The following SLC6A2 variants were observed in gnomAD, a reference collection of about 807,000 sequenced individuals.
SLC6A2 encodes sodium-dependent noradrenaline transporter.
In SLC6A2, 26 loss-of-function variants were observed where a neutral mutation model predicts 71.7. The observed-to-expected ratio is 0.36, with a 90% CI of 0.27 to 0.50. The LOEUF is 0.50. Among genes scored for constraint, SLC6A2 ranks in the 20% least tolerant of loss-of-function variants. The pLI, the probability that SLC6A2 is intolerant of heterozygous loss-of-function variation, is 0.96. For synonymous variants in SLC6A2, 363 were observed against 337.9 expected (o/e 1.07, Z -0.82); for missense variants, 581 against 803.9 (o/e 0.72, Z 3.35).
chr16:55,690,356 C>A (rs1327278606), intron 5 of SLC6A2, among the ~76,000 whole-genome samples: 1 of 152,198 alleles, frequency 6.6e-6, no homozygotes, highest in Non-Finnish European at 1.5e-5. Flanking sequence ...CATCCTTAAA[C>A]ATAAGTTTGA....
chr16:55,700,565 A>C (rs1487025467), intron 13 of SLC6A2, among the ~76,000 whole-genome samples: 1 of 152,178 alleles, frequency 6.6e-6, no homozygotes, highest in Non-Finnish European at 1.5e-5. Context: ...TGTTCAGTAC[A>C]TGTTACTTGG....
At chr16:55,672,919 A>G (rs1254333284) in intron 4 of SLC6A2, among the ~76,000 whole-genome samples, 1 of 152,234 alleles carries the variant, frequency 6.6e-6, no homozygotes, top group African/African-American at 2.4e-5. Flanking sequence ...AATAGTGCAT[A>G]TACCCATCAC....
rs1398678700 is a variant in SLC6A2, at chr16:55,703,155, C to T, written c.*809C>T. ...TGGCAAGCCACATCTACTGAGGCCT[C>T]ATGCTGCTCTTGCTCTGTAAGACAC... On this transcript the variant is annotated 3_prime_UTR_variant, in exon 15 of 15. Coordinates refer to ENST00000568943, the MANE Select transcript of SLC6A2 (RefSeq NM_001172501.3). 2 of 985,492 alleles carry T rather than the reference C, an allele frequency of 2.0e-6. No homozygotes were observed. Among genetic ancestry groups the T allele is most frequent in the Non-Finnish European group, 2.4e-6 (2 of 830,074 alleles). 61.0% of individuals were successfully genotyped at this position (985,492 alleles called of 1,614,324 possible).
At chr16:55,666,428 C>T (rs1391601522) in intron 2 of SLC6A2, among the ~76,000 whole-genome samples, 2 of 152,230 alleles carry the variant, frequency 1.3e-5, no homozygotes, top group Admixed American at 1.3e-4. Flanking sequence ...TTTACTTCTG[C>T]AAGAGGAGAA....
intron 2 of SLC6A2, among the ~76,000 whole-genome samples, chr16:55,659,149 C>T (rs1270901590): frequency 2.0e-5 from 3 of 152,116 alleles, no homozygotes; most frequent in Non-Finnish European, 4.4e-5. Context: ...CTGCAGGGGT[C>T]ACGGTCACCA....
At position 55,705,639 on chromosome 16, in the gene SLC6A2, T is replaced by A; in HGVS notation, c.*3293T>A. 5.4e-6 allele frequency: 1 copy of A among 184,132 alleles called. No individual in the cohort carries two copies. Among genetic ancestry groups the A allele is most frequent in the East Asian group, 1.3e-4 (1 of 7,706 alleles). 11.4% of individuals were successfully genotyped at this position (184,132 alleles called of 1,614,324 possible). On this transcript the variant is annotated 3_prime_UTR_variant, in exon 15 of 15. Transcript: ENST00000568943. ...TTATATCAGATCATCAAAGTTCCCA[T>A]TCCATTAAAGAAAACCCTGCATGTA...
intron 4 of SLC6A2, among the ~76,000 whole-genome samples, chr16:55,675,499 C>T (rs748875018): frequency 1.4e-4 from 21 of 152,172 alleles, no homozygotes; most frequent in Non-Finnish European, 3.1e-4. Context: ...GCTCACAGGT[C>T]GTACCTAAAC....
intron 2 of SLC6A2, among the ~76,000 whole-genome samples, chr16:55,661,029 ACT>A (rs796882215): frequency 1.3e-5 from 2 of 152,138 alleles, no homozygotes; most frequent in South Asian, 4.1e-4. Context: ...GGGGAAAGCC[ACT>A]CTCAGAAATT....
intron 14 of SLC6A2, 68 bp downstream of exon 14, chr16:55,702,002 C>A: frequency 8.6e-7 from 1 of 1,160,804 alleles, no homozygotes; most frequent in Non-Finnish European, 1.3e-6. Context: ...CTGCTGTGCA[C>A]TGCCCAAGGC....
chr16:55,700,036 CTCT>C, intron 12 of SLC6A2, 100 bp from the exon 13 acceptor site: 2 of 941,790 alleles, frequency 2.1e-6, no homozygotes, highest in Non-Finnish European at 3.4e-6. Flanking sequence ...ATGCTCACTT[CTCT>C]TCATTTCTCT....
intron 13 of SLC6A2, among the ~76,000 whole-genome samples, chr16:55,701,614 A>G (rs1597018522): frequency 6.6e-6 from 1 of 152,272 alleles, no homozygotes; most frequent in South Asian, 2.1e-4. Context: ...GTCTCCTTCA[A>G]GTCTGGATCC....
In SLC6A2 at chr16:55,656,567, C is replaced by G. The variant is rs1964454231; in HGVS notation, c.-51-77C>G. The G allele has an allele frequency of 1.3e-5, 15 of 1,181,384 alleles. No homozygotes were observed. In the South Asian group the frequency reaches 1.8e-4, roughly 15 times the overall value. The allele number at this position is 1,181,384 out of a possible 1,614,324, so 73.2% of individuals were successfully genotyped here. A position where few individuals can be genotyped will look rare whatever the true frequency, so the allele number is the denominator to read the frequency against. ...CGCGCGCTCATCCCAGTGTCTAAGG[C>G]GCTCCCGGGTGGTCTTGGGAGTTGC... On this transcript the variant is annotated intron_variant, in intron 1 of 14. Transcript: ENST00000568943. This position sits in a 1 kb window ranked among gnomAD's most constrained non-coding sequence, Gnocchi z 4.5.
At chr16:55,682,769 G>A (rs1268518665) in intron 4 of SLC6A2, among the ~76,000 whole-genome samples, 2 of 152,224 alleles carry the variant, frequency 1.3e-5, no homozygotes, top group African/African-American at 4.8e-5. Context: ...GGCTTTGAAG[G>A]GTGTTGGGCA....
At chr16:55,658,534 T>C (rs1318018169) in intron 2 of SLC6A2, among the ~76,000 whole-genome samples, 1 of 148,010 alleles carries the variant, frequency 6.8e-6, no homozygotes, top group Non-Finnish European at 1.5e-5. Context: ...AAAAAAGGAG[T>C]GGGATCACCA....
rs769392443 is a variant in SLC6A2, at chr16:55,705,460, C to T, written c.*3114C>T. 3.3e-5 allele frequency: 18 copies of T among 547,388 alleles called. No individual in the cohort carries two copies. Among genetic ancestry groups the T allele is most frequent in the Admixed American group, 9.7e-5 (3 of 30,860 alleles). The allele number at this position is 547,388 out of a possible 1,614,324, so 33.9% of individuals were successfully genotyped here. On this transcript the variant is annotated 3_prime_UTR_variant, in exon 15 of 15. Coordinates refer to ENST00000568943, the MANE Select transcript of SLC6A2 (RefSeq NM_001172501.3). ...TTTGTTTATTTCCTTCGAAAGCCAC[C>T]GAAGAGAGAAAAACAGAGAAGGTGT...
Position 55,656,801 on chromosome 16 carries a change from T to G in SLC6A2, c.107T>G (p.Val36Gly). The G allele has an allele frequency of 6.2e-7, 1 of 1,613,206 alleles. No individual in the cohort carries two copies. The change falls in exon 2 of 15, where the codon GTG becomes GGG. Residue 36 changes from valine to glycine, a missense_variant. This residue lies in a region of SLC6A2 where 76 missense variants were observed against 79.9 expected (regional missense o/e 0.95). Transcript: ENST00000568943. This position sits in a 1 kb window ranked among gnomAD's most constrained non-coding sequence, Gnocchi z 4.5. Reference protein sequence around the residue: ...RARKTAELLVVKERNGVQCLL... With the variant: ...RARKTAELLVGKERNGVQCLL... ...CGCAAAACTGCGGAGCTGCTGGTGGTGAAGGAGCGCAACGGCGTCCAGTGC... is the reference window on the plus strand; with the variant it reads ...CGCAAAACTGCGGAGCTGCTGGTGGGGAAGGAGCGCAACGGCGTCCAGTGC...
rs1206276531 is a variant in SLC6A2 at position 55,656,662 on chromosome 16, G to A, written c.-33G>A. 12 of 1,611,000 alleles carry A rather than the reference G, an allele frequency of 7.4e-6. No individual in the cohort carries two copies. Among genetic ancestry groups the A allele is most frequent in the Non-Finnish European group, 9.3e-6 (11 of 1,179,820 alleles). On this transcript the variant is annotated 5_prime_UTR_variant, in exon 2 of 15. Coordinates refer to ENST00000568943, the MANE Select transcript of SLC6A2 (RefSeq NM_001172501.3). The surrounding 1 kb of genome is among the most constrained non-coding windows in gnomAD (Gnocchi z 4.5). ...CAAGCAGAGCCTCGGCGTGCCCCCA[G>A]GACCGGTAAAGTTCCTCTCGCCAGC...
At chr16:55,659,279 T>C (rs1009355033) in intron 2 of SLC6A2, among the ~76,000 whole-genome samples, 1 of 152,186 alleles carries the variant, frequency 6.6e-6, no homozygotes, top group African/African-American at 2.4e-5. Context: ...AGCATCCAGA[T>C]GGCCAATTTG....
intron 13 of SLC6A2, among the ~76,000 whole-genome samples, chr16:55,700,546 C>T (rs1288274137): frequency 6.6e-6 from 1 of 152,154 alleles, no homozygotes; most frequent in East Asian, 1.9e-4. Context: ...GTGTCTGGCG[C>T]ACAGGAGGTG....
Sources: gnomAD v4.1 joint callset for allele counts (sites outside exome capture counted in the v4.1 genomes callset) on GRCh38, gnomAD v4.1.1 for gene constraint, gnomAD v4.1.1 regional missense constraint, Gnocchi (gnomAD v3.1) non-coding constraint, MANE v1.5 for transcripts, NCBI Gene and HGNC (gene_info 2026-07-23, HGNC 2026-07-21) for gene names.